Variants in CRYBG1 observed in about 807,000 individuals in gnomAD.
The protein encoded by CRYBG1 is crystallin beta-gamma domain containing 1.
CRYBG1 carries 139 observed loss-of-function variants against 189.2 expected under a neutral mutation model. The ratio of observed to expected loss-of-function variants is 0.73; its 90% CI spans 0.64 to 0.85. The LOEUF (loss-of-function observed/expected upper bound fraction) is 0.85. Among genes scored for constraint, CRYBG1 ranks in the 40% least tolerant of loss-of-function variants. The pLI is 0.00. For synonymous variants in CRYBG1, 1,023 were observed against 1,017.1 expected, an observed-to-expected ratio of 1.01 and a Z score of -0.11; for missense variants, 2,611 against 2,675.8, an observed-to-expected ratio of 0.98 and a Z score of 0.53.
At chr6:106,389,804 A>G (rs1174037382) in intron 1 of CRYBG1, among the ~76,000 whole-genome samples, 1 of 151,882 alleles carries the variant, frequency 6.6e-6, no homozygotes, top group Admixed American at 6.6e-5. Flanking sequence ...ATATTTTTGC[A>G]TATGTTTTGG....
rs570684491 is a variant in CRYBG1, at chr6:106,562,587, C to T, written c.6138+1087C>T. ...CTTCAACCTGTACCTCCCGGGTTCA[C>T]GCGATTCTCCTGCCTCAGCCTCTCG... On this transcript the variant is annotated intron_variant, in intron 20 of 21. Transcript: ENST00000633556. 2.0e-5 allele frequency among the ~76,000 whole-genome samples: 3 copies of T among 151,998 alleles called. 1 individual carries two copies. Among genetic ancestry groups the T allele is most frequent in the South Asian group, 4.2e-4 (2 of 4,812 alleles).
At chr6:106,493,742 A>G (rs1260196180) in intron 2 of CRYBG1, among the ~76,000 whole-genome samples, 1 of 152,194 alleles carries the variant, frequency 6.6e-6, no homozygotes, top group South Asian at 2.1e-4. Context: ...GTTCTCACTT[A>G]TAAGTGGGAT....
intron 1 of CRYBG1, among the ~76,000 whole-genome samples, chr6:106,363,215 G>A (rs990842475): frequency 1.5e-5 from 2 of 133,994 alleles, no homozygotes; most frequent in African/African-American, 5.8e-5. Context: ...CTGCACTCCA[G>A]CCTGGGCGAC....
At chr6:106,415,386 G>T (rs1485372788) in intron 1 of CRYBG1, among the ~76,000 whole-genome samples, 1 of 152,194 alleles carries the variant, frequency 6.6e-6, no homozygotes, top group Non-Finnish European at 1.5e-5. Context: ...GGGCAGGGAG[G>T]AGAGGAATTG....
rs764078134 is a variant in CRYBG1 at position 106,512,041 on chromosome 6, AC to A, written c.925del (p.Leu309Ter). ...SPTQERPAGG[L>X]GEAPNGAPSV... is the part of the protein sequence containing the mutation. Reference sequence around the variant, plus strand: ...CCACCCAGGAGCGGCCCGCGGGAGGACTAGGCGAGGCCCCTAACGGAGCCCC... The same window carrying A: ...CCACCCAGGAGCGGCCCGCGGGAGGATAGGCGAGGCCCCTAACGGAGCCCC... On this transcript the variant is annotated frameshift_variant, in exon 3 of 22. Coordinates refer to ENST00000633556, the MANE Select transcript of CRYBG1 (RefSeq NM_001371242.2). LOFTEE classifies it high-confidence loss of function. 4 of 1,531,400 alleles carry A rather than the reference AC, an allele frequency of 2.6e-6. No individual in the cohort carries two copies. The South Asian group carries it at 4.8e-5, about 18-fold the overall frequency. 94.9% of individuals were successfully genotyped at this position (1,531,400 alleles called of 1,614,324 possible).
chr6:106,458,765 G>A (rs1213586113), intron 2 of CRYBG1, among the ~76,000 whole-genome samples: 3 of 152,150 alleles, frequency 2.0e-5, no homozygotes, highest in Admixed American at 1.3e-4. Flanking sequence ...AGTTTCCAGA[G>A]CATGATACCA....
At chr6:106,479,515 C>A (rs1772400560) in intron 2 of CRYBG1, among the ~76,000 whole-genome samples, 1 of 152,168 alleles carries the variant, frequency 6.6e-6, no homozygotes. Context: ...AACTGTTTTC[C>A]AAAGCGACTG....
chr6:106,399,639 T>A (rs1215169724), intron 1 of CRYBG1, among the ~76,000 whole-genome samples: 1 of 144,458 alleles, frequency 6.9e-6, no homozygotes, highest in African/African-American at 2.6e-5. Context: ...CGATCGGTCC[T>A]TTTTTTTAGT....
chr6:106,472,505 AT>A (rs780015382), intron 2 of CRYBG1, among the ~76,000 whole-genome samples: 18 of 149,804 alleles, frequency 1.2e-4, no homozygotes, highest in Non-Finnish European at 2.4e-4. Flanking sequence ...TACACTAAAC[AT>A]TTTTTAGCTT....
intron 1 of CRYBG1, among the ~76,000 whole-genome samples, chr6:106,444,688 A>C (rs530401421): frequency 2.0e-4 from 31 of 152,322 alleles, no homozygotes; most frequent in Admixed American, 9.1e-4. Flanking sequence ...ACTCGGTAGC[A>C]CCCAAAGCCT....
At chr6:106,369,219 A>G (rs544661963) in intron 1 of CRYBG1, among the ~76,000 whole-genome samples, 7 of 152,362 alleles carry the variant, frequency 4.6e-5, no homozygotes, top group African/African-American at 1.7e-4. Flanking sequence ...CATGTTATAG[A>G]CAAGTAAAGG....
At position 106,511,556 on chromosome 6, in the gene CRYBG1, A is replaced by G; in HGVS notation, c.439A>G (p.Lys147Glu). ...GLESPTRSNA[K>E]PLSPKDVVAS... is the part of the protein sequence containing the mutation. Reference sequence around the variant, plus strand: ...AGAGAGTCCCACCAGATCAAATGCCAAACCACTCTCTCCCAAAGATGTGGT... The same window carrying G: ...AGAGAGTCCCACCAGATCAAATGCCGAACCACTCTCTCCCAAAGATGTGGT... Residue 147 changes from lysine (K) to glutamate (E), a missense_variant, in exon 3 of 22, where the codon AAA (lysine) becomes GAA (glutamate). Lys to Glu is a moderately conservative substitution (Grantham distance 56). Around this residue, in one of 3 missense-constraint regions of CRYBG1, gnomAD observed 985 missense variants for 924.4 expected, o/e 1.07. Transcript: ENST00000633556. 3 of 1,535,850 alleles carry G rather than the reference A, an allele frequency of 2.0e-6. No homozygotes were observed. The highest frequency in any genetic ancestry group is 2.6e-6 in the Non-Finnish European group (3 of 1,146,700).
chr6:106,564,006 A>C (rs374700189), intron 21 of CRYBG1, 80 bp downstream of exon 21: 2 of 1,411,068 alleles, frequency 1.4e-6, no homozygotes, highest in Non-Finnish European at 9.9e-7. Flanking sequence ...TAACTTTTGA[A>C]AATGATGAAT....
intron 2 of CRYBG1, among the ~76,000 whole-genome samples, chr6:106,489,951 A>AG (rs1491429006): frequency 6.6e-6 from 1 of 152,204 alleles, no homozygotes; most frequent in East Asian, 1.9e-4. Flanking sequence ...CTGGAGAAAC[A>AG]GAGATTAAAT....
chr6:106,465,185 C>T (rs116620767), intron 2 of CRYBG1, among the ~76,000 whole-genome samples: 2,325 of 152,274 alleles, frequency 0.015, 43 homozygotes, highest in African/African-American at 0.053. Context: ...CTCTTCTCCA[C>T]GTGACCTTTT....
intron 2 of CRYBG1, among the ~76,000 whole-genome samples, chr6:106,468,667 G>A (rs6919249): frequency 0.3 from 45,938 of 152,002 alleles, 8,019 homozygotes; most frequent in South Asian, 0.41. Context: ...TCCAGCCTGG[G>A]TGATAGAGTG....
In CRYBG1 at chr6:106,561,520, G is replaced by C. The variant is rs199666296; in HGVS notation, c.6138+20G>C. ...TGCAGGGTGAGCTTTAGGATTCCAC[G>C]GGGGCCTGTGATGGCTTTGCTAGGA... On this transcript the variant is annotated intron_variant, in intron 20 of 21. Transcript: ENST00000633556. 3.1e-6 allele frequency: 5 copies of C among 1,603,546 alleles called. No homozygotes were observed. Among genetic ancestry groups the C allele is most frequent in the Admixed American group, 1.7e-5 (1 of 59,040 alleles).
chr6:106,362,761 ACTTT>A (rs1412715525), intron 1 of CRYBG1, among the ~76,000 whole-genome samples: 1 of 152,208 alleles, frequency 6.6e-6, no homozygotes, highest in Non-Finnish European at 1.5e-5. Context: ...TATAGATTAT[ACTTT>A]CTAACAAAAT....
chr6:106,469,564 A>G (rs4563759), intron 2 of CRYBG1, among the ~76,000 whole-genome samples: 12,836 of 152,230 alleles, frequency 0.084, 710 homozygotes, highest in East Asian at 0.22. Context: ...CTTAATACTT[A>G]GTAGGTATTC....
Sources: allele counts gnomAD v4.1 joint callset (sites outside exome capture counted in the v4.1 genomes callset), GRCh38; gene constraint gnomAD v4.1.1; regional missense constraint gnomAD v4.1.1; transcripts MANE v1.5; gene names NCBI Gene and HGNC (gene_info 2026-07-23, HGNC 2026-07-21).